Variants in ZBTB20 observed in about 807,000 individuals in gnomAD.
ZBTB20 encodes the protein zinc finger and BTB domain containing 20.
In ZBTB20, 9 loss-of-function variants were observed where a neutral mutation model predicts 56.9. That is an observed-to-expected ratio of 0.16 (90% confidence interval 0.10 to 0.28). The LOEUF (loss-of-function observed/expected upper bound fraction) is 0.28. Among genes scored for constraint, ZBTB20 ranks in the 10% least tolerant of loss-of-function variants. ZBTB20 has a pLI of 1.00. For synonymous variants in ZBTB20, 417 were observed against 420.7 expected (o/e 0.99, Z 0.11); for missense variants, 655 against 1,003.0 (o/e 0.65, Z 4.69).
chr3:114,659,660 T>G (rs1255208963), intron 6 of ZBTB20, among the ~76,000 whole-genome samples: 2 of 152,150 alleles, frequency 1.3e-5, no homozygotes. Context: ...CTGCATGCTG[T>G]TCAGGGGAAG....
chr3:114,392,902 G>T (rs576638784), intron 7 of ZBTB20, among the ~76,000 whole-genome samples: 1 of 152,188 alleles, frequency 6.6e-6, no homozygotes, highest in Non-Finnish European at 1.5e-5. Context: ...TTACCTAGGT[G>T]AGGAAAACAG....
intron 3 of ZBTB20, among the ~76,000 whole-genome samples, chr3:114,969,948 A>G (rs1232568775): frequency 6.6e-6 from 1 of 152,204 alleles, no homozygotes; most frequent in Non-Finnish European, 1.5e-5. Context: ...AGACTTGCAC[A>G]TGTAAATCAC....
At chr3:114,341,863 T>C (rs1393901337) in intron 11 of ZBTB20, among the ~76,000 whole-genome samples, 1 of 152,220 alleles carries the variant, frequency 6.6e-6, no homozygotes, top group African/African-American at 2.4e-5. Flanking sequence ...CTGAGGACTC[T>C]AGTCCTGGCC....
chr3:115,094,755 A>C (rs1179152399), intron 1 of ZBTB20, among the ~76,000 whole-genome samples: 1 of 152,010 alleles, frequency 6.6e-6, no homozygotes, highest in Non-Finnish European at 1.5e-5. Flanking sequence ...AAAAACAAAA[A>C]TGTAAAGCCT....
intron 2 of ZBTB20, among the ~76,000 whole-genome samples, chr3:114,997,588 T>G (rs1345363630): frequency 6.6e-6 from 1 of 151,494 alleles, no homozygotes; most frequent in African/African-American, 2.4e-5. Flanking sequence ...GTGAAGGGCT[T>G]GAACAAGTTC....
At chr3:115,007,345 TAAAAA>T (rs769172291) in intron 2 of ZBTB20, among the ~76,000 whole-genome samples, 2 of 151,198 alleles carry the variant, frequency 1.3e-5, no homozygotes, top group East Asian at 3.9e-4. Context: ...TTTTCTGAAA[TAAAAA>T]AAAGAGAAAG....
Position 114,839,870 on chromosome 3 carries a change from T to A in ZBTB20, c.-416-38696A>T, listed in dbSNP as rs116460617. On this transcript the variant is annotated intron_variant, in intron 4 of 11. Coordinates refer to ENST00000675478, the MANE Select transcript of ZBTB20 (RefSeq NM_001348800.3). ...CAGAAGCTGGAAAAGCAAGGAATGA[T>A]TCCCCCTCACTTAGAGTCTTCTGAG... is the stretch of plus-strand genomic sequence containing the variant. Among the ~76,000 whole-genome samples the A allele has an allele frequency of 2.1e-3, 316 of 152,288 alleles. 1 individual carries two copies. The highest frequency in any genetic ancestry group is 7.3e-3 in the African/African-American group (302 of 41,544).
chr3:114,412,214 A>G (rs2088035688), intron 7 of ZBTB20, among the ~76,000 whole-genome samples: 1 of 152,178 alleles, frequency 6.6e-6, no homozygotes, highest in Non-Finnish European at 1.5e-5. Flanking sequence ...CATTTGCACA[A>G]GTAATTCAAT....
In ZBTB20 at chr3:114,432,222, C is replaced by T. The variant is rs140300404; in HGVS notation, c.-254-43117G>A. Among the ~76,000 whole-genome samples the T allele has an allele frequency of 3.8e-3, 565 of 150,594 alleles. 4 individuals are homozygous for T. Among genetic ancestry groups the T allele is most frequent in the African/African-American group, 0.013 (543 of 41,052 alleles). ...TAATCCTGCTTTGATATGTTTAATG[C>T]CATTTAAAGAGAAACTGTACCCATT... On this transcript the variant is annotated intron_variant, in intron 7 of 11. Coordinates refer to ENST00000675478, the MANE Select transcript of ZBTB20 (RefSeq NM_001348800.3).
At chr3:114,849,298 C>T (rs2074878122) in intron 4 of ZBTB20, among the ~76,000 whole-genome samples, 2 of 152,100 alleles carry the variant, frequency 1.3e-5, no homozygotes, top group Admixed American at 1.3e-4. Context: ...TTTTATCTTC[C>T]ATATACAACC....
chr3:115,098,559 G>T (rs1239629059), intron 1 of ZBTB20, among the ~76,000 whole-genome samples: 2 of 152,096 alleles, frequency 1.3e-5, no homozygotes, highest in Non-Finnish European at 2.9e-5. Flanking sequence ...CTTAGTATTT[G>T]TACTACTCTT....
At chr3:114,918,000 G>A (rs2075814377) in intron 3 of ZBTB20, among the ~76,000 whole-genome samples, 1 of 152,142 alleles carries the variant, frequency 6.6e-6, no homozygotes, top group Non-Finnish European at 1.5e-5. Flanking sequence ...TGGTTCCAGA[G>A]AGGCCCTCTA....
chr3:114,550,796 G>T (rs958434282), intron 6 of ZBTB20, among the ~76,000 whole-genome samples: 8 of 152,178 alleles, frequency 5.3e-5, no homozygotes, highest in Admixed American at 5.2e-4. Context: ...TGTCACCCAC[G>T]CTGGAGTGCA....
chr3:114,450,572 G>T (rs982017072), intron 7 of ZBTB20, among the ~76,000 whole-genome samples: 1 of 152,038 alleles, frequency 6.6e-6, no homozygotes, highest in Admixed American at 6.6e-5. Flanking sequence ...AAACTAACAA[G>T]AAACTAAAAA....
chr3:114,349,051 T>G (rs2080421957), intron 11 of ZBTB20, among the ~76,000 whole-genome samples: 1 of 151,806 alleles, frequency 6.6e-6, no homozygotes, highest in Non-Finnish European at 1.5e-5. Flanking sequence ...AATAAAAAAG[T>G]TAAATGAGCG....
intron 7 of ZBTB20, among the ~76,000 whole-genome samples, chr3:114,413,784 T>C (rs1262933576): frequency 1.3e-5 from 2 of 152,060 alleles, no homozygotes; most frequent in African/African-American, 2.4e-5. Context: ...ATGAGAGAAG[T>C]AAGGATCAGG....
chr3:115,061,514 T>C (rs1048433070), intron 2 of ZBTB20, among the ~76,000 whole-genome samples: 2 of 152,200 alleles, frequency 1.3e-5, no homozygotes, highest in African/African-American at 4.8e-5. Flanking sequence ...TTCCATTCAT[T>C]TCTTCTAATT....
intron 4 of ZBTB20, among the ~76,000 whole-genome samples, chr3:114,802,668 A>G (rs149152538): frequency 1.3e-5 from 2 of 151,902 alleles, no homozygotes; most frequent in African/African-American, 2.4e-5. Context: ...GAAACTGACA[A>G]AAATAACTTG....
At chr3:114,796,344 T>C (rs1369256670) in intron 5 of ZBTB20, among the ~76,000 whole-genome samples, 1 of 151,986 alleles carries the variant, frequency 6.6e-6, no homozygotes, top group Non-Finnish European at 1.5e-5. Flanking sequence ...CCTGAGTTTA[T>C]AGTACATACA....
Sources: gnomAD v4.1 joint callset for allele counts (sites outside exome capture counted in the v4.1 genomes callset) on GRCh38, gnomAD v4.1.1 for gene constraint, MANE v1.5 for transcripts, NCBI Gene and HGNC (gene_info 2026-07-23, HGNC 2026-07-21) for gene names.